SEPSECS: variants seen among roughly 807,000 people sequenced by gnomAD.
SEPSECS encodes the protein Sep (O-phosphoserine) tRNA:Sec (selenocysteine) tRNA synthase.
In SEPSECS, 42 loss-of-function variants were observed where a neutral mutation model predicts 52.1. The ratio of observed to expected loss-of-function variants is 0.81; its 90% CI spans 0.63 to 1.04. The LOEUF (loss-of-function observed/expected upper bound fraction) is 1.04, where lower values mean the gene tolerates loss of function less well. Among genes scored for constraint, SEPSECS ranks in the 50% least tolerant of loss-of-function variants. The pLI is 0.00. For missense variants in SEPSECS, 590 were observed against 610.6 expected (o/e 0.97, Z 0.36); for synonymous variants, 216 against 211.4 (o/e 1.02, Z -0.19).
At chr4:25,134,151 A>AAAG (rs1728730605) in intron 8 of SEPSECS, among the ~76,000 whole-genome samples, 2 of 147,640 alleles carry the variant, frequency 1.4e-5, no homozygotes, top group Non-Finnish European at 3.0e-5. Flanking sequence ...AAAAAAAAAA[A>AAAG]GTGCATAGAA....
At chr4:25,128,035 T>C (rs374827837) in intron 8 of SEPSECS, among the ~76,000 whole-genome samples, 54 of 152,310 alleles carry the variant, frequency 3.5e-4, no homozygotes, top group African/African-American at 1.1e-3. Context: ...TTTGTTAACT[T>C]TGCTATTAAA....
intron 6 of SEPSECS, among the ~76,000 whole-genome samples, chr4:25,150,772 G>A (rs561849939): frequency 5.2e-4 from 79 of 152,278 alleles, no homozygotes; most frequent in Admixed American, 2.2e-3. Flanking sequence ...TTGTGGGGCC[G>A]AGGTGGGAGG....
rs747414263 is a variant in SEPSECS, at chr4:25,155,055, T to A, written c.644A>T (p.Asp215Val). 1.2e-6 allele frequency: 2 copies of A among 1,614,018 alleles called. No homozygotes were observed. The highest frequency in any genetic ancestry group is 1.7e-5 in the Admixed American group (1 of 60,002). ...AGTAGAATGAATACACAGAATGCAA[T>A]CAGGCCCAAGTTCCTGGACTTTAGC... ...VEAKVQELGP[D>V]CILCIHSTTS... Residue 215 changes from aspartate (D) to valine (V), a missense_variant, in exon 5 of 11, where the codon GAT becomes GTT. Asp to Val is a radical substitution (Grantham distance 152). Transcript: ENST00000382103.
At chr4:25,130,620 G>A (rs548708758) in intron 8 of SEPSECS, among the ~76,000 whole-genome samples, 1 of 152,280 alleles carries the variant, frequency 6.6e-6, no homozygotes, top group East Asian at 1.9e-4. Flanking sequence ...TTTACTCTGT[G>A]TAAAGGGTTA....
At chr4:25,151,758 G>A (rs895492776) in intron 6 of SEPSECS, among the ~76,000 whole-genome samples, 1 of 152,100 alleles carries the variant, frequency 6.6e-6, no homozygotes, top group East Asian at 1.9e-4. Context: ...GCCTACCAAA[G>A]CTATCAGTCC....
intron 1 of SEPSECS, chr4:25,160,024 A>AACCCCG: frequency 1.0e-6 from 1 of 985,358 alleles, no homozygotes; most frequent in Non-Finnish European, 1.2e-6. Context: ...CGGGACTCAA[A>AACCCCG]ACCCCGACCC....
chr4:25,145,178 C>A (rs1479523857), intron 6 of SEPSECS, 45 bp from the exon 7 acceptor site: 8 of 1,601,136 alleles, frequency 5.0e-6, no homozygotes, highest in Non-Finnish European at 6.8e-6. Flanking sequence ...GGAAAACAGA[C>A]AACTGCTATT....
intron 2 of SEPSECS, among the ~76,000 whole-genome samples, chr4:25,157,767 G>C (rs1368561404): frequency 6.6e-6 from 1 of 151,954 alleles, no homozygotes; most frequent in Non-Finnish European, 1.5e-5. Context: ...GGATGGTGTG[G>C]ATCTCCTGAC....
chr4:25,125,011 G>A (rs1319644070), intron 10 of SEPSECS, among the ~76,000 whole-genome samples: 1 of 152,016 alleles, frequency 6.6e-6, no homozygotes, highest in Admixed American at 6.6e-5. Flanking sequence ...AAACTATATT[G>A]TATATAGATG....
intron 4 of SEPSECS, 142 bp downstream of exon 4, chr4:25,155,895 G>T (rs1033087289): frequency 4.3e-6 from 3 of 701,788 alleles, no homozygotes; most frequent in Non-Finnish European, 7.1e-6. Flanking sequence ...ATTAAATTTT[G>T]TTACATATAT....
chr4:25,143,151 T>C lies in SEPSECS; in HGVS notation c.1026+1623A>G, dbSNP rs555996810. On this transcript the variant is annotated intron_variant, in intron 8 of 10. Transcript: ENST00000382103. ...ATGAATGATTACAATTTGGAGTTTA[T>C]AAAACCAGAGTTTTATTCTTATTGT... is the stretch of plus-strand genomic sequence containing the variant. Among the ~76,000 whole-genome samples, 107 of 152,366 alleles carry C rather than the reference T, an allele frequency of 7.0e-4. 2 individuals are homozygous for C. The South Asian group carries it at 0.021, about 30-fold the overall frequency.
intron 5 of SEPSECS, among the ~76,000 whole-genome samples, chr4:25,154,693 A>G (rs1405050459): frequency 6.6e-6 from 1 of 152,186 alleles, no homozygotes; most frequent in Non-Finnish European, 1.5e-5. Flanking sequence ...CTTCTATTAA[A>G]TAATAAGAAA....
chr4:25,156,588 G>A (rs1223960282), intron 3 of SEPSECS, among the ~76,000 whole-genome samples: 1 of 150,900 alleles, frequency 6.6e-6, no homozygotes, highest in Non-Finnish European at 1.5e-5. Context: ...GGCACCTGTA[G>A]TCCCAGCTGC....
At position 25,123,476 on chromosome 4, in the gene SEPSECS, G is replaced by A. The variant is rs73252520; in HGVS notation, c.*455C>T. ...TTATACCTTGACTCTGCTTCCTTGG[G>A]GAATGCCCATTTTACAGGCACACTG... On this transcript the variant is annotated 3_prime_UTR_variant, in exon 11 of 11. Transcript: ENST00000382103. The A allele has an allele frequency of 0.097, 16,976 of 174,962 alleles. 1,056 individuals carry two copies. The highest frequency in any genetic ancestry group is 0.2 in the South Asian group (1,500 of 7,534). 10.8% of individuals were successfully genotyped at this position (174,962 alleles called of 1,614,324 possible).
At chr4:25,125,003 A>G (rs1434995809) in intron 10 of SEPSECS, among the ~76,000 whole-genome samples, 1 of 152,186 alleles carries the variant, frequency 6.6e-6, no homozygotes, top group African/African-American at 2.4e-5. Context: ...AAGTGTCAAA[A>G]CTATATTGTA....
chr4:25,159,992 C>T (rs1478228705), intron 1 of SEPSECS: 2 of 985,284 alleles, frequency 2.0e-6, no homozygotes, highest in Non-Finnish European at 2.4e-6. Context: ...CCCTCACTTC[C>T]GCATCCCGAA....
At chr4:25,136,124 T>C (rs1022919397) in intron 8 of SEPSECS, among the ~76,000 whole-genome samples, 4 of 152,188 alleles carry the variant, frequency 2.6e-5, no homozygotes, top group African/African-American at 9.7e-5. Context: ...GCTGGAAGCA[T>C]TCCCCTTGAA....
At chr4:25,129,957 A>G (rs1475260143) in intron 8 of SEPSECS, among the ~76,000 whole-genome samples, 1 of 152,166 alleles carries the variant, frequency 6.6e-6, no homozygotes, top group Non-Finnish European at 1.5e-5. Flanking sequence ...TATATAATTC[A>G]CCAAAGTCTT....
chr4:25,154,768 A>C (rs1171543682), intron 5 of SEPSECS, among the ~76,000 whole-genome samples: 1 of 152,194 alleles, frequency 6.6e-6, no homozygotes, highest in Non-Finnish European at 1.5e-5. Context: ...GCATCGACTC[A>C]GGTGATAAAG....
Sources: allele counts gnomAD v4.1 joint callset (sites outside exome capture counted in the v4.1 genomes callset), GRCh38; gene constraint gnomAD v4.1.1; transcripts MANE v1.5; gene names NCBI Gene and HGNC (gene_info 2026-07-23, HGNC 2026-07-21).